ADAMTS5: variants seen among roughly 807,000 people sequenced by gnomAD.
The protein encoded by ADAMTS5 is ADAM metallopeptidase with thrombospondin type 1 motif 5.
ADAMTS5 carries 54 observed loss-of-function variants against 81.4 expected under a neutral mutation model. The ratio of observed to expected loss-of-function variants is 0.66; its 90% CI spans 0.53 to 0.83. The LOEUF is 0.83. Among genes scored for constraint, ADAMTS5 ranks in the 40% least tolerant of loss-of-function variants. ADAMTS5 has a pLI of 0.00. For missense variants in ADAMTS5, 1,194 were observed against 1,229.9 expected (o/e 0.97, Z 0.44); for synonymous variants, 532 against 508.8 (o/e 1.05, Z -0.61).
At chr21:26,947,627 G>A (rs1358488953) in intron 2 of ADAMTS5, among the ~76,000 whole-genome samples, 1 of 152,000 alleles carries the variant, frequency 6.6e-6, no homozygotes, top group Non-Finnish European at 1.5e-5. Flanking sequence ...TAGAGACAGG[G>A]TTTCACCATG....
rs773798738 is a variant in ADAMTS5, at chr21:26,966,046, C to T, written c.346G>A (p.Ala116Thr). 4 of 1,613,204 alleles carry T rather than the reference C, an allele frequency of 2.5e-6. No homozygotes were observed. Among genetic ancestry groups the T allele is most frequent in the Non-Finnish European group, 3.4e-6 (4 of 1,179,954 alleles). The change falls in exon 1 of 8, where the codon GCA becomes ACA. Residue 116 changes from alanine (A) to threonine (T), a missense_variant. This residue lies in a region of ADAMTS5 where 498 missense variants were observed against 412.3 expected (regional missense o/e 1.21). Transcript: ENST00000284987. Reference protein sequence around the residue: ...GSVGIAGFVPAGGGTSAPWRH... With the variant: ...GSVGIAGFVPTGGGTSAPWRH... The stretch of plus-strand genomic sequence containing the variant: ...CAGGGCGCACTCGTCCCGCCTCCTG[C>T]GGGCACGAAGCCAGCAATGCCCACC...
In ADAMTS5 at chr21:26,939,266, G is replaced by A. The variant is rs148992045; in HGVS notation, c.1405+4114C>T. Among the ~76,000 whole-genome samples the A allele has an allele frequency of 3.8e-3, 586 of 152,314 alleles. 3 individuals are homozygous for A. The highest frequency in any genetic ancestry group is 0.012 in the African/African-American group (505 of 41,570). ...GCATTAGGTATATTGTTGAGCAGAT[G>A]TAATGGCAAGGAAATTAAATTAAAG... is the stretch of plus-strand genomic sequence containing the variant. On this transcript the variant is annotated intron_variant, in intron 3 of 7. Coordinates refer to ENST00000284987, the MANE Select transcript of ADAMTS5 (RefSeq NM_007038.5).
rs1986688519 is a variant in ADAMTS5 at position 26,921,281 on chromosome 21, A to G, written c.*2772T>C. 6.6e-6 allele frequency: 1 copy of G among 152,418 alleles called. No homozygotes were observed. The highest frequency in any genetic ancestry group is 1.5e-5 in the Non-Finnish European group (1 of 67,952). 9.4% of individuals were successfully genotyped at this position (152,418 alleles called of 1,614,324 possible). A position where few individuals can be genotyped will look rare whatever the true frequency, so the allele number is the denominator to read the frequency against. ...TTGAATAAATTATAACAATGCCCAC[A>G]TATTTCTAAACAGCAAGGCAGGGCT... On this transcript the variant is annotated 3_prime_UTR_variant, in exon 8 of 8. Transcript: ENST00000284987.
At position 26,924,168 on chromosome 21, in the gene ADAMTS5, G is replaced by A. The variant is rs749465566; in HGVS notation, c.2678C>T (p.Thr893Ile). ...CTGCACCGTTCTGGTGTGCCAACCT[G>A]TGTCACAGGTCCTAGAGCAGGCGAG... ...PWLACSRTCDTGWHTRTVQCQ... is the reference protein window; with the variant it reads ...PWLACSRTCDIGWHTRTVQCQ... Residue 893 changes from threonine to isoleucine, a missense_variant, in exon 8 of 8, where the codon ACA becomes ATA. Thr to Ile is a moderately conservative substitution (Grantham distance 89). This residue lies in a region of ADAMTS5 where 696 missense variants were observed against 817.6 expected (regional missense o/e 0.85). Transcript: ENST00000284987. The A allele has an allele frequency of 5.0e-6, 8 of 1,614,056 alleles. No homozygotes were observed. In the Admixed American group the frequency reaches 6.7e-5, roughly 13 times the overall value.
In ADAMTS5 at chr21:26,966,061, C is replaced by T. The variant is rs1391813826; in HGVS notation, c.331G>A (p.Ala111Thr). Residue 111 changes from alanine (A) to threonine (T), a missense_variant, in exon 1 of 8, where the codon GCT (alanine) becomes ACT (threonine). Physicochemically the swap from Ala to Thr is moderately conservative, Grantham distance 58. Transcript: ENST00000284987. ...DLERDGSVGI[A>T]GFVPAGGGTS... is the part of the protein sequence containing the mutation. ...CCGCCTCCTGCGGGCACGAAGCCAG[C>T]AATGCCCACCGAACCATCTCGCTCC... 6 of 1,613,162 alleles carry T rather than the reference C, an allele frequency of 3.7e-6. No individual in the cohort carries two copies. The African/African-American group carries it at 8.0e-5, about 22-fold the overall frequency.
chr21:26,930,833 G>C (rs111635623), intron 6 of ADAMTS5, among the ~76,000 whole-genome samples: 1 of 151,890 alleles, frequency 6.6e-6, no homozygotes, highest in Non-Finnish European at 1.5e-5. Context: ...TTGTGAATGC[G>C]TGTGTGTGTG....
At position 26,918,035 on chromosome 21, in the gene ADAMTS5, A is replaced by G. The variant is rs1986614833; in HGVS notation, c.*6018T>C. On this transcript the variant is annotated 3_prime_UTR_variant, in exon 8 of 8. Coordinates refer to ENST00000284987, the MANE Select transcript of ADAMTS5 (RefSeq NM_007038.5). The stretch of plus-strand genomic sequence containing the variant: ...TTACAAAATAGGATATTGTTCCTCA[A>G]TGAAAATATTACAGTATAGGTCCCA... The G allele has an allele frequency of 6.6e-6, 1 of 152,362 alleles. No homozygotes were observed. The allele number at this position is 152,362 out of a possible 1,614,324, so 9.4% of individuals were successfully genotyped here.
chr21:26,921,329 G>A lies in ADAMTS5; in HGVS notation c.*2724C>T, dbSNP rs1986691195. 6.6e-6 allele frequency: 1 copy of A among 151,500 alleles called. No homozygotes were observed. The highest frequency in any genetic ancestry group is 1.5e-5 in the Non-Finnish European group (1 of 67,842). 9.4% of individuals were successfully genotyped at this position (151,500 alleles called of 1,614,324 possible). A position where few individuals can be genotyped will look rare whatever the true frequency, so the allele number is the denominator to read the frequency against. On this transcript the variant is annotated 3_prime_UTR_variant, in exon 8 of 8. Coordinates refer to ENST00000284987, the MANE Select transcript of ADAMTS5 (RefSeq NM_007038.5). ...GCTTAATTTAAATTTTTCTGATCTAGAAGAAATAAATGTCATTTTTTCTGG... is the reference window on the plus strand; with the variant it reads ...GCTTAATTTAAATTTTTCTGATCTAAAAGAAATAAATGTCATTTTTTCTGG...
Position 26,929,825 on chromosome 21 carries a change from A to T in ADAMTS5, c.2225+61T>A, listed in dbSNP as rs572702032. 1.6e-5 allele frequency: 24 copies of T among 1,526,232 alleles called. No homozygotes were observed. In the African/African-American group the frequency reaches 2.9e-4, roughly 18 times the overall value. 94.5% of individuals were successfully genotyped at this position (1,526,232 alleles called of 1,614,324 possible). A position where few individuals can be genotyped will look rare whatever the true frequency, so the allele number is the denominator to read the frequency against. On this transcript the variant is annotated intron_variant, in intron 7 of 7. Coordinates refer to ENST00000284987, the MANE Select transcript of ADAMTS5 (RefSeq NM_007038.5). Reference sequence around the variant, plus strand: ...ATGTAATATGAATCCTCCTTTATCAATTCTGCAAGAGTCTAAAGCTTTGTT... The same window carrying T: ...ATGTAATATGAATCCTCCTTTATCATTTCTGCAAGAGTCTAAAGCTTTGTT...
At position 26,965,714 on chromosome 21, in the gene ADAMTS5, G is replaced by A. The variant is rs1442835354; in HGVS notation, c.678C>T (p.Ser226=). 2 of 1,586,238 alleles carry A rather than the reference G, an allele frequency of 1.3e-6. No homozygotes were observed. Among genetic ancestry groups the A allele is most frequent in the Admixed American group, 3.5e-5 (2 of 56,612 alleles). The change falls in exon 1 of 8, where the codon AGC becomes AGT. Residue 226 remains serine (S), a synonymous_variant. Transcript: ENST00000284987. ...CCAGTGCTGCGCGTCCGCTCGGGTT[G>A]CTGTGCGCCGGAGCATGCTCGTGGG... The part of the protein sequence containing the change: ...PEAHEHAPAH[S]NPSGRAALAS...
rs1477722070 is a variant in ADAMTS5, at chr21:26,921,892, A to G, written c.*2161T>C. On this transcript the variant is annotated 3_prime_UTR_variant, in exon 8 of 8. Coordinates refer to ENST00000284987, the MANE Select transcript of ADAMTS5 (RefSeq NM_007038.5). ...GAGAAGCAGAGTAGGAGACAACTAC[A>G]TTTATGCCTCGAGTATTTTTTAATG... The G allele has an allele frequency of 6.6e-6, 1 of 152,268 alleles. No individual in the cohort carries two copies. The highest frequency in any genetic ancestry group is 1.5e-5 in the Non-Finnish European group (1 of 67,964). The allele number at this position is 152,268 out of a possible 1,614,324, so 9.4% of individuals were successfully genotyped here. A position where few individuals can be genotyped will look rare whatever the true frequency, so the allele number is the denominator to read the frequency against.
At chr21:26,932,227 A>G (rs766771702) in intron 5 of ADAMTS5, 48 bp from the exon 6 acceptor site, 16 of 1,564,740 alleles carry the variant, frequency 1.0e-5, no homozygotes, top group Non-Finnish European at 1.4e-5. Context: ...TCTGAAACTT[A>G]GATATATTCT....
At position 26,966,590 on chromosome 21, in the gene ADAMTS5, G is replaced by A; in HGVS notation, c.-199C>T. 1 of 197,780 alleles carries A rather than the reference G, an allele frequency of 5.1e-6. No homozygotes were observed. Among genetic ancestry groups the A allele is most frequent in the Non-Finnish European group, 9.0e-6 (1 of 110,540 alleles). 12.3% of individuals were successfully genotyped at this position (197,780 alleles called of 1,614,324 possible). A position where few individuals can be genotyped will look rare whatever the true frequency, so the allele number is the denominator to read the frequency against. On this transcript the variant is annotated 5_prime_UTR_variant, in exon 1 of 8. Coordinates refer to ENST00000284987, the MANE Select transcript of ADAMTS5 (RefSeq NM_007038.5). ...GCCAGCGTGCGAACTTTTCTTTGTTGCTTGGGAAAATGTTTGGATTCGTGC... is the reference window on the plus strand; with the variant it reads ...GCCAGCGTGCGAACTTTTCTTTGTTACTTGGGAAAATGTTTGGATTCGTGC...
In ADAMTS5 at chr21:26,935,211, C is replaced by T. The variant is rs1472906365; in HGVS notation, c.1406-462G>A. Among the ~76,000 whole-genome samples, 5 of 152,136 alleles carry T rather than the reference C, an allele frequency of 3.3e-5. No homozygotes were observed. The East Asian group carries it at 5.8e-4, about 18-fold the overall frequency. On this transcript the variant is annotated intron_variant, in intron 3 of 7. Transcript: ENST00000284987. ...TGTATAACCCATTACCCATTTCTAA[C>T]TCACCCCTTCCCCATGTGCCTATCA...
chr21:26,924,451 T>C lies in ADAMTS5; in HGVS notation c.2395A>G (p.Ile799Val). ...TTCATGACTGTTCCATTGATGTCAATGATAGTCTCTGAAGTGGAGATCATG... is the reference window on the plus strand; with the variant it reads ...TTCATGACTGTTCCATTGATGTCAACGATAGTCTCTGAAGTGGAGATCATG... ...KYMISTSETI[I>V]DINGTVMNYS... is the part of the protein sequence containing the mutation. Residue 799 changes from isoleucine (I) to valine (V), a missense_variant, in exon 8 of 8, where the codon ATT (isoleucine) becomes GTT (valine). Around this residue, in one of 2 missense-constraint regions of ADAMTS5, gnomAD observed 696 missense variants for 817.6 expected, o/e 0.85. Transcript: ENST00000284987. 1 of 1,614,236 alleles carries C rather than the reference T, an allele frequency of 6.2e-7. No homozygotes were observed. The highest frequency in any genetic ancestry group is 8.5e-7 in the Non-Finnish European group (1 of 1,180,038).
chr21:26,930,823 T>C (rs1380319591), intron 6 of ADAMTS5, among the ~76,000 whole-genome samples: 1 of 152,128 alleles, frequency 6.6e-6, no homozygotes, highest in Non-Finnish European at 1.5e-5. Flanking sequence ...TATGAGTATG[T>C]TGTGAATGCG....
In ADAMTS5 at chr21:26,965,812, T is replaced by C; in HGVS notation, c.580A>G (p.Thr194Ala). ...DGSARILHVY[T>A]REGFSFEALP... ...GCCTCGAAGCTGAAGCCCTCGCGGG[T>C]GTAGACGTGCAGGATCCGTGCGGAC... is the stretch of plus-strand genomic sequence containing the variant. The change falls in exon 1 of 8, where the codon ACC (threonine) becomes GCC (alanine). Residue 194 changes from threonine (T) to alanine (A), a missense_variant. This residue lies in a region of ADAMTS5 where 498 missense variants were observed against 412.3 expected (regional missense o/e 1.21). Transcript: ENST00000284987. 1 of 1,608,564 alleles carries C rather than the reference T, an allele frequency of 6.2e-7. No homozygotes were observed.
intron 1 of ADAMTS5, among the ~76,000 whole-genome samples, 186 bp from the exon 2 acceptor site, chr21:26,955,057 A>G (rs1827774595): frequency 6.6e-6 from 1 of 152,182 alleles, no homozygotes. Flanking sequence ...GGGCCCAGAA[A>G]CACAGAAGGA....
chr21:26,959,495 G>T (rs1253974297), intron 1 of ADAMTS5, among the ~76,000 whole-genome samples: 1 of 151,972 alleles, frequency 6.6e-6, no homozygotes, highest in Non-Finnish European at 1.5e-5. Flanking sequence ...ACTTCACCAT[G>T]GTTTTGTTAA....
Sources: gnomAD v4.1 joint callset for allele counts (sites outside exome capture counted in the v4.1 genomes callset) on GRCh38, gnomAD v4.1.1 for gene constraint, gnomAD v4.1.1 regional missense constraint, MANE v1.5 for transcripts, NCBI Gene and HGNC (gene_info 2026-07-23, HGNC 2026-07-21) for gene names.